Variants in OR1I1 observed in about 807,000 individuals in gnomAD.
OR1I1 encodes the protein olfactory receptor family 1 subfamily I member 1, also known as olfactory receptor 1I1.
For missense variants in OR1I1, 451 were observed against 443.6 expected, an observed-to-expected ratio of 1.02 and a Z score of -0.15; for synonymous variants, 171 against 181.4, an observed-to-expected ratio of 0.94 and a Z score of 0.46.
At chr19:15,084,628 C>T (rs1019444714) in intron 1 of OR1I1, among the ~76,000 whole-genome samples, 3 of 152,004 alleles carry the variant, frequency 2.0e-5, no homozygotes, top group Non-Finnish European at 2.9e-5. Flanking sequence ...GGCTTAATAC[C>T]GAGGTGATGG....
Position 15,088,173 on chromosome 19 carries a change from T to C in OR1I1, c.*40T>C. On this transcript the variant is annotated 3_prime_UTR_variant, in exon 2 of 2. Transcript: ENST00000641398. The stretch of plus-strand genomic sequence containing the variant: ...ACGTGATAAATGTGTCATAAAGAGA[T>C]GAACAAAGTGTATGAGCACCCAAAG... The C allele has an allele frequency of 1.3e-6, 2 of 1,502,378 alleles. No individual in the cohort carries two copies. Among genetic ancestry groups the C allele is most frequent in the Middle Eastern group, 1.9e-4 (1 of 5,388 alleles). 93.1% of individuals were successfully genotyped at this position (1,502,378 alleles called of 1,614,324 possible). A position where few individuals can be genotyped will look rare whatever the true frequency, so the allele number is the denominator to read the frequency against.
At position 15,092,628 on chromosome 19, in the gene OR1I1, G is replaced by GCTTCCATTT. The variant is rs1210998191; in HGVS notation, c.*4497_*4505dup. 2 of 152,174 alleles carry GCTTCCATTT rather than the reference G, an allele frequency of 1.3e-5. No individual in the cohort carries two copies. Among genetic ancestry groups the GCTTCCATTT allele is most frequent in the Non-Finnish European group, 2.9e-5 (2 of 68,046 alleles). 9.4% of individuals were successfully genotyped at this position (152,174 alleles called of 1,614,324 possible). A position where few individuals can be genotyped will look rare whatever the true frequency, so the allele number is the denominator to read the frequency against. On this transcript the variant is annotated 3_prime_UTR_variant, in exon 2 of 2. Coordinates refer to ENST00000641398, the MANE Select transcript of OR1I1 (RefSeq NM_001004713.2). ...TAAAACTTTGTTTATAAACACAGAA[G>GCTTCCATTT]CTTCCATTTCATATCATAGTACATG...
At position 15,087,702 on chromosome 19, in the gene OR1I1, T is replaced by C. The variant is rs2046236676; in HGVS notation, c.637T>C (p.Cys213Arg). 1.9e-6 allele frequency: 3 copies of C among 1,614,140 alleles called. No homozygotes were observed. Among genetic ancestry groups the C allele is most frequent in the African/African-American group, 2.7e-5 (2 of 74,946 alleles). ...GIVVGTSPFS[C>R]ILLSYIRIFW... ...TGTCGTGGGCACCAGCCCATTCTCC[T>C]GCATCCTTCTCTCGTACATCCGCAT... Residue 213 changes from cysteine to arginine, a missense_variant, in exon 2 of 2, where the codon TGC (cysteine) becomes CGC (arginine). Cys to Arg is a radical substitution (Grantham distance 180). Coordinates refer to ENST00000641398, the MANE Select transcript of OR1I1 (RefSeq NM_001004713.2).
chr19:15,087,413 A>G lies in OR1I1; in HGVS notation c.348A>G (p.Ala116=). ...GGACCATGGACAGCTTTCTCCTGGC[A>G]GTAATGGCCATCGACCGCTTCGTGG... ...LFGTMDSFLL[A]VMAIDRFVAI... is the part of the protein sequence containing the mutation. Residue 116 remains alanine (A), a synonymous_variant, in exon 2 of 2, where the codon GCA becomes GCG. Transcript: ENST00000641398. The G allele has an allele frequency of 1.9e-6, 3 of 1,614,222 alleles. No homozygotes were observed. Among genetic ancestry groups the G allele is most frequent in the Non-Finnish European group, 2.5e-6 (3 of 1,180,036 alleles).
intron 1 of OR1I1, among the ~76,000 whole-genome samples, chr19:15,084,888 G>A (rs1445294289): frequency 1.3e-5 from 2 of 151,830 alleles, no homozygotes; most frequent in East Asian, 1.9e-4. Flanking sequence ...GAAGGCTGAG[G>A]TGGGAGGAAC....
intron 1 of OR1I1, among the ~76,000 whole-genome samples, chr19:15,085,127 G>A (rs1456424869): frequency 1.2e-5 from 1 of 84,798 alleles, no homozygotes; most frequent in Non-Finnish European, 2.5e-5. Context: ...ATGCATTTTT[G>A]ACTTATATAT....
At position 15,088,802 on chromosome 19, in the gene OR1I1, T is replaced by TCGATAGATAGATAGAC. The variant is rs1555717781; in HGVS notation, c.*669_*670insCGATAGATAGATAGAC. On this transcript the variant is annotated 3_prime_UTR_variant, in exon 2 of 2. Coordinates refer to ENST00000641398, the MANE Select transcript of OR1I1 (RefSeq NM_001004713.2). ...ATAGATAGATAGATAGATAGATAGA[T>TCGATAGATAGATAGAC]AGATAGATAGATAGATAGATATACA... The TCGATAGATAGATAGAC allele has an allele frequency of 7.6e-6, 1 of 132,164 alleles. No homozygotes were observed. The highest frequency in any genetic ancestry group is 1.6e-5 in the Non-Finnish European group (1 of 61,400). The allele number at this position is 132,164 out of a possible 1,614,324, so 8.2% of individuals were successfully genotyped here.
Position 15,087,412 on chromosome 19 carries a change from C to A in OR1I1, c.347C>A (p.Ala116Glu). 1 of 1,614,212 alleles carries A rather than the reference C, an allele frequency of 6.2e-7. No individual in the cohort carries two copies. Among genetic ancestry groups the A allele is most frequent in the Non-Finnish European group, 8.5e-7 (1 of 1,180,034 alleles). ...LFGTMDSFLL[A>E]VMAIDRFVAI... ...GGGACCATGGACAGCTTTCTCCTGG[C>A]AGTAATGGCCATCGACCGCTTCGTG... The change falls in exon 2 of 2, where the codon GCA becomes GAA. Residue 116 changes from alanine (A) to glutamate (E), a missense_variant. Physicochemically the swap from Ala to Glu is moderately radical, Grantham distance 107. Coordinates refer to ENST00000641398, the MANE Select transcript of OR1I1 (RefSeq NM_001004713.2).
rs1161498671 is a variant in OR1I1 at position 15,089,327 on chromosome 19, G to A, written c.*1194G>A. 3.3e-5 allele frequency: 5 copies of A among 152,140 alleles called. No homozygotes were observed. The highest frequency in any genetic ancestry group is 3.3e-4 in the Admixed American group (5 of 15,254). 9.4% of individuals were successfully genotyped at this position (152,140 alleles called of 1,614,324 possible). A position where few individuals can be genotyped will look rare whatever the true frequency, so the allele number is the denominator to read the frequency against. On this transcript the variant is annotated 3_prime_UTR_variant, in exon 2 of 2. Transcript: ENST00000641398. Reference sequence around the variant, plus strand: ...TCTCCCCACAACCCCCAGTCAAGGGGACTCTGATGCAGACGGTCCATCAAT... The same window carrying A: ...TCTCCCCACAACCCCCAGTCAAGGGAACTCTGATGCAGACGGTCCATCAAT...
intron 1 of OR1I1, among the ~76,000 whole-genome samples, chr19:15,085,669 G>A (rs970124526): frequency 1.3e-5 from 2 of 151,708 alleles, no homozygotes; most frequent in Non-Finnish European, 2.9e-5. Flanking sequence ...TGTATTCTTT[G>A]ATCAATATCT....
chr19:15,091,789 A>G lies in OR1I1; in HGVS notation c.*3656A>G, dbSNP rs1184570607. 1 of 133,556 alleles carries G rather than the reference A, an allele frequency of 7.5e-6. No homozygotes were observed. The highest frequency in any genetic ancestry group is 2.2e-4 in the East Asian group (1 of 4,520). 8.3% of individuals were successfully genotyped at this position (133,556 alleles called of 1,614,324 possible). On this transcript the variant is annotated 3_prime_UTR_variant, in exon 2 of 2. Coordinates refer to ENST00000641398, the MANE Select transcript of OR1I1 (RefSeq NM_001004713.2). ...AGTTTGCGTGAGCCGAGATCGCCCC[A>G]CTGCACTCCAGCCTGGGTGACAGAG...
intron 1 of OR1I1, among the ~76,000 whole-genome samples, chr19:15,085,158 A>AT (rs1568321856): frequency 2.2e-4 from 8 of 36,212 alleles, no homozygotes; most frequent in African/African-American, 1.7e-3. Flanking sequence ...ATATATATAT[A>AT]TATATATATA....
rs1313562762 is a variant in OR1I1 at position 15,090,506 on chromosome 19, C to G, written c.*2373C>G. 1.3e-5 allele frequency: 2 copies of G among 151,926 alleles called. No homozygotes were observed. Among genetic ancestry groups the G allele is most frequent in the East Asian group, 3.9e-4 (2 of 5,154 alleles). The allele number at this position is 151,926 out of a possible 1,614,324, so 9.4% of individuals were successfully genotyped here. ...TGGGCCACTGCACCTGGCCCAACAC[C>G]TTGATCTCGGACTCTTAACCTCCAG... is the stretch of plus-strand genomic sequence containing the variant. On this transcript the variant is annotated 3_prime_UTR_variant, in exon 2 of 2. Coordinates refer to ENST00000641398, the MANE Select transcript of OR1I1 (RefSeq NM_001004713.2).
rs2046261526 is a variant in OR1I1 at position 15,092,542 on chromosome 19, T to C, written c.*4409T>C. 6.6e-6 allele frequency: 1 copy of C among 152,224 alleles called. No individual in the cohort carries two copies. Among genetic ancestry groups the C allele is most frequent in the Non-Finnish European group, 1.5e-5 (1 of 68,054 alleles). The allele number at this position is 152,224 out of a possible 1,614,324, so 9.4% of individuals were successfully genotyped here. On this transcript the variant is annotated 3_prime_UTR_variant, in exon 2 of 2. Transcript: ENST00000641398. ...CTCCGTTGCAATGACTGAACTCTGC[T>C]GCTGTCTGGCGAAAGCAGCCATAGA... is the stretch of plus-strand genomic sequence containing the variant.
Position 15,092,304 on chromosome 19 carries a change from G to A in OR1I1, c.*4171G>A, listed in dbSNP as rs898455865. On this transcript the variant is annotated 3_prime_UTR_variant, in exon 2 of 2. Coordinates refer to ENST00000641398, the MANE Select transcript of OR1I1 (RefSeq NM_001004713.2). ...GGCCTGAGCCCAGAGTGACAGGGAA[G>A]CTGGGTTTGCAGGGGGCCCGTGGAG... is the stretch of plus-strand genomic sequence containing the variant. 1 of 152,150 alleles carries A rather than the reference G, an allele frequency of 6.6e-6. No individual in the cohort carries two copies. The highest frequency in any genetic ancestry group is 1.5e-5 in the Non-Finnish European group (1 of 68,170). 9.4% of individuals were successfully genotyped at this position (152,150 alleles called of 1,614,324 possible).
rs2046241025 is a variant in OR1I1 at position 15,088,515 on chromosome 19, A to G, written c.*382A>G. 4.6e-6 allele frequency: 1 copy of G among 217,722 alleles called. No homozygotes were observed. The highest frequency in any genetic ancestry group is 9.2e-6 in the Non-Finnish European group (1 of 109,136). The allele number at this position is 217,722 out of a possible 1,614,324, so 13.5% of individuals were successfully genotyped here. A position where few individuals can be genotyped will look rare whatever the true frequency, so the allele number is the denominator to read the frequency against. On this transcript the variant is annotated 3_prime_UTR_variant, in exon 2 of 2. Transcript: ENST00000641398. ...ACACACACAAAATCACTTTAGCAAG[A>G]CATGGTGGTATACGCCTGTAGTCTC...
rs2046254840 is a variant in OR1I1, at chr19:15,091,137, T to C, written c.*3004T>C. 6.6e-6 allele frequency: 1 copy of C among 152,186 alleles called. No individual in the cohort carries two copies. The highest frequency in any genetic ancestry group is 2.1e-4 in the South Asian group (1 of 4,818). The allele number at this position is 152,186 out of a possible 1,614,324, so 9.4% of individuals were successfully genotyped here. A position where few individuals can be genotyped will look rare whatever the true frequency, so the allele number is the denominator to read the frequency against. On this transcript the variant is annotated 3_prime_UTR_variant, in exon 2 of 2. Coordinates refer to ENST00000641398, the MANE Select transcript of OR1I1 (RefSeq NM_001004713.2). Reference sequence around the variant, plus strand: ...ATGATGACAACCGAGATTTATTATCTGAACAATGCTAACTCCTTTATATGC... The same window carrying C: ...ATGATGACAACCGAGATTTATTATCCGAACAATGCTAACTCCTTTATATGC...
rs1369758076 is a variant in OR1I1, at chr19:15,087,156, T to C, written c.91T>C (p.Phe31Leu). Reference sequence around the variant, plus strand: ...GCATCAGACCCTCCTCTTCACAATGTTCCTCTCCACATACCTGGTCACCAT... The same window carrying C: ...GCATCAGACCCTCCTCTTCACAATGCTCCTCTCCACATACCTGGTCACCAT... The part of the protein sequence containing the change: ...PEHQTLLFTM[F>L]LSTYLVTIIG... Residue 31 changes from phenylalanine (F) to leucine (L), a missense_variant, in exon 2 of 2, where the codon TTC (phenylalanine) becomes CTC (leucine). Phe to Leu is a conservative substitution (Grantham distance 22). Coordinates refer to ENST00000641398, the MANE Select transcript of OR1I1 (RefSeq NM_001004713.2). 3 of 1,614,048 alleles carry C rather than the reference T, an allele frequency of 1.9e-6. No homozygotes were observed. Among genetic ancestry groups the C allele is most frequent in the Non-Finnish European group, 2.5e-6 (3 of 1,179,984 alleles).
intron 1 of OR1I1, among the ~76,000 whole-genome samples, chr19:15,085,172 A>ATGT (rs1445498185): frequency 6.6e-5 from 2 of 30,218 alleles, no homozygotes; most frequent in Non-Finnish European, 1.4e-4. Context: ...ATATATATAT[A>ATGT]TATATTTTTT....
Sources: allele counts gnomAD v4.1 joint callset (sites outside exome capture counted in the v4.1 genomes callset), GRCh38; gene constraint gnomAD v4.1.1; transcripts MANE v1.5; gene names NCBI Gene and HGNC (gene_info 2026-07-23, HGNC 2026-07-21).